FAR1: variants seen among roughly 807,000 people sequenced by gnomAD.
FAR1 encodes the protein fatty acyl-CoA reductase 1, also known as male sterility domain-containing protein 2.
A neutral mutation model predicts 61.1 loss-of-function variants in FAR1; 22 were observed. The ratio of observed to expected loss-of-function variants is 0.36; its 90% CI spans 0.26 to 0.51. The LOEUF is 0.51. Ranked by LOEUF, FAR1 falls within the 20% of genes least tolerant of loss-of-function variation. The probability of loss-of-function intolerance (pLI) is 0.95; values close to 1 mark genes in which losing one functional copy is unlikely to be tolerated. For synonymous variants in FAR1, 206 were observed against 209.7 expected, an observed-to-expected ratio of 0.98 and a Z score of 0.15; for missense variants, 359 against 626.9, an observed-to-expected ratio of 0.57 and a Z score of 4.56.
intron 10 of FAR1, among the ~76,000 whole-genome samples, chr11:13,725,979 A>G (rs1304844077): frequency 6.6e-6 from 1 of 151,394 alleles, no homozygotes. Context: ...TTTCCCATCT[A>G]TATGTGTTAC....
At chr11:13,717,059 A>G (rs141680529) in intron 9 of FAR1, among the ~76,000 whole-genome samples, 64 of 150,606 alleles carry the variant, frequency 4.2e-4, no homozygotes, top group African/African-American at 1.5e-3. Flanking sequence ...TGGAAAGTAC[A>G]ATCTGCTATA....
At chr11:13,712,175 C>A in intron 7 of FAR1, 129 bp downstream of exon 7, 1 of 660,798 alleles carries the variant, frequency 1.5e-6, no homozygotes, top group South Asian at 1.9e-5. Flanking sequence ...GTATCACTGC[C>A]AACTCCAAGA....
rs181342107 is a variant in FAR1 at position 13,730,979 on chromosome 11, G to A, written c.*2205G>A. 6.6e-6 allele frequency: 1 copy of A among 152,184 alleles called. No individual in the cohort carries two copies. Among genetic ancestry groups the A allele is most frequent in the East Asian group, 1.9e-4 (1 of 5,188 alleles). 9.4% of individuals were successfully genotyped at this position (152,184 alleles called of 1,614,324 possible). ...GACTTAAAGATTTGAGAAATTATTT[G>A]TGTCATTTACTAGACGTGATTTTTA... On this transcript the variant is annotated 3_prime_UTR_variant, in exon 12 of 12. Coordinates refer to ENST00000354817, the MANE Select transcript of FAR1 (RefSeq NM_032228.6).
chr11:13,690,765 C>A (rs1054048316), intron 1 of FAR1, among the ~76,000 whole-genome samples: 1 of 151,990 alleles, frequency 6.6e-6, no homozygotes, highest in African/African-American at 2.4e-5. Context: ...ATTAAAAAAA[C>A]AGCGTAGATT....
chr11:13,722,439 G>A (rs911558760), intron 10 of FAR1, among the ~76,000 whole-genome samples: 2 of 151,484 alleles, frequency 1.3e-5, no homozygotes, highest in Non-Finnish European at 2.9e-5. Flanking sequence ...TAAAATGGTT[G>A]TATTAATACA....
intron 4 of FAR1, among the ~76,000 whole-genome samples, chr11:13,709,899 T>C (rs7944263): frequency 0.3 from 45,744 of 151,940 alleles, 7,228 homozygotes; most frequent in South Asian, 0.38. Flanking sequence ...AAGTACATAA[T>C]GTATTAGAAT....
In FAR1 at chr11:13,710,725, C is replaced by T. The variant is rs764518716; in HGVS notation, c.578C>T (p.Thr193Met). Residue 193 changes from threonine (T) to methionine (M), a missense_variant, in exon 5 of 12, where the codon ACG (threonine) becomes ATG (methionine). Physicochemically the swap from Thr to Met is moderately conservative, Grantham distance 81. This residue lies in a region of FAR1 where 344 missense variants were observed against 570.3 expected (regional missense o/e 0.60). Coordinates refer to ENST00000354817, the MANE Select transcript of FAR1 (RefSeq NM_032228.6). ...WMDDGLVNDI[T>M]PKLIGDRPNT... Reference sequence around the variant, plus strand: ...GATGATGGCCTAGTAAATGATATCACGCCAAAATTGATAGGAGACAGACCT... The same window carrying T: ...GATGATGGCCTAGTAAATGATATCATGCCAAAATTGATAGGAGACAGACCT... The T allele has an allele frequency of 2.5e-5, 40 of 1,600,484 alleles. No homozygotes were observed. The highest frequency in any genetic ancestry group is 3.1e-5 in the Non-Finnish European group (36 of 1,176,566).
At chr11:13,723,247 C>T (rs1848631733) in intron 10 of FAR1, 4 of 303,292 alleles carry the variant, frequency 1.3e-5, no homozygotes, top group South Asian at 1.1e-4. Flanking sequence ...TGCCTGTAGT[C>T]CTAGCTACTC....
chr11:13,707,594 T>TA (rs1012841096), intron 3 of FAR1, among the ~76,000 whole-genome samples: 1 of 152,224 alleles, frequency 6.6e-6, no homozygotes, highest in African/African-American at 2.4e-5. Context: ...TAGCATGACT[T>TA]AAAAATGTAT....
At chr11:13,692,053 A>G (rs1848256251) in intron 1 of FAR1, among the ~76,000 whole-genome samples, 2 of 152,108 alleles carry the variant, frequency 1.3e-5, no homozygotes, top group African/African-American at 4.8e-5. Context: ...CTGTAGTCCC[A>G]GCTACTCGAA....
At position 13,683,306 on chromosome 11, in the gene FAR1, T is replaced by C. The variant is rs190816685; in HGVS notation, c.-7-11453T>C. 3.9e-3 allele frequency among the ~76,000 whole-genome samples: 588 copies of C among 151,970 alleles called. 1 individual carries two copies. The highest frequency in any genetic ancestry group is 0.011 in the South Asian group (53 of 4,810). Reference sequence around the variant, plus strand: ...TACTTGGGTGGTTGAGGTAGGAGAATTGCTTGAACCTGGGAGGTGGAGGTT... The same window carrying C: ...TACTTGGGTGGTTGAGGTAGGAGAACTGCTTGAACCTGGGAGGTGGAGGTT... On this transcript the variant is annotated intron_variant, in intron 1 of 11. Transcript: ENST00000354817.
At chr11:13,680,709 C>T (rs987103586) in intron 1 of FAR1, among the ~76,000 whole-genome samples, 5 of 152,168 alleles carry the variant, frequency 3.3e-5, no homozygotes, top group East Asian at 1.9e-4. Flanking sequence ...TGAGTGAGAA[C>T]GCTTAGTGGC....
rs1420387760 is a variant in FAR1 at position 13,714,675 on chromosome 11, C to T, written c.1122C>T (p.Ser374=). ...TCTACCTCAGGATGACTGGAAGAAG[C>T]CCAAGGTAATGGTGACTAGCTCTGT... ...YDIYLRMTGR[S]PRMMKTITRL... is the part of the protein sequence containing the mutation. The change falls in exon 9 of 12, where the codon AGC becomes AGT. Residue 374 remains serine, a synonymous_variant. Transcript: ENST00000354817. 2 of 1,608,352 alleles carry T rather than the reference C, an allele frequency of 1.2e-6. No individual in the cohort carries two copies. The highest frequency in any genetic ancestry group is 1.1e-5 in the South Asian group (1 of 90,388).
At chr11:13,697,795 C>T (rs906433297) in intron 2 of FAR1, among the ~76,000 whole-genome samples, 3 of 152,018 alleles carry the variant, frequency 2.0e-5, no homozygotes, top group Non-Finnish European at 2.9e-5. Flanking sequence ...TTAGTCATTC[C>T]TTAGGTTCCT....
chr11:13,670,729 T>C (rs1057118973), intron 1 of FAR1, among the ~76,000 whole-genome samples: 6 of 151,818 alleles, frequency 4.0e-5, no homozygotes, highest in Non-Finnish European at 5.9e-5. Flanking sequence ...TTTTTTTTTT[T>C]CACTCAGGAA....
At chr11:13,678,265 C>T (rs1461876845) in intron 1 of FAR1, among the ~76,000 whole-genome samples, 1 of 151,656 alleles carries the variant, frequency 6.6e-6, no homozygotes, top group Admixed American at 6.6e-5. Flanking sequence ...AAAGGAAGGT[C>T]ATGTTTTCTT....
At position 13,712,535 on chromosome 11, in the gene FAR1, TTGATAATCAGTATTTTC is replaced by T. The variant is rs550038653; in HGVS notation, c.888-428_888-412del. ...TCTAGGTAGTAAACTACCCTTATTT[TTGATAATCAGTATTTTC>T]TGTCCTAAAAAAAGAGAGATAGGAT... On this transcript the variant is annotated intron_variant, in intron 7 of 11. Coordinates refer to ENST00000354817, the MANE Select transcript of FAR1 (RefSeq NM_032228.6). Among the ~76,000 whole-genome samples, 1,227 of 152,226 alleles carry T rather than the reference TTGATAATCAGTATTTTC, an allele frequency of 8.1e-3. 16 individuals carry two copies. Among genetic ancestry groups the T allele is most frequent in the African/African-American group, 0.027 (1,139 of 41,544 alleles).
At chr11:13,689,788 G>T (rs1046997069) in intron 1 of FAR1, among the ~76,000 whole-genome samples, 1 of 151,916 alleles carries the variant, frequency 6.6e-6, no homozygotes, top group Admixed American at 6.5e-5. Flanking sequence ...CCCTTATTCT[G>T]AGGGTCAGTG....
chr11:13,669,023 C>T (rs1847961923), intron 1 of FAR1, among the ~76,000 whole-genome samples: 1 of 152,170 alleles, frequency 6.6e-6, no homozygotes, highest in Non-Finnish European at 1.5e-5. Flanking sequence ...CCGCCCTTCA[C>T]AGGGCCGGGA....
Sources: gnomAD v4.1 joint callset for allele counts (sites outside exome capture counted in the v4.1 genomes callset) on GRCh38, gnomAD v4.1.1 for gene constraint, gnomAD v4.1.1 regional missense constraint, MANE v1.5 for transcripts, NCBI Gene and HGNC (gene_info 2026-07-23, HGNC 2026-07-21) for gene names.